Variants in CADM2 observed in about 807,000 individuals in gnomAD.
CADM2 encodes cell adhesion molecule 2, also known as immunoglobulin superfamily member 4D.
Under a neutral mutation model 49.8 loss-of-function variants are expected in CADM2, and 12 were observed. That is an observed-to-expected ratio of 0.24 (90% CI 0.15 to 0.39). The LOEUF (loss-of-function observed/expected upper bound fraction) is 0.39, where lower values mean the gene tolerates loss of function less well. CADM2 is among the 10% of genes least tolerant of loss of function. The pLI is 1.00. For missense variants in CADM2, 378 were observed against 492.3 expected, an observed-to-expected ratio of 0.77 and a Z score of 2.20; for synonymous variants, 214 against 175.4, an observed-to-expected ratio of 1.22 and a Z score of -1.74.
At chr3:85,067,943 C>A (rs1365035804) in intron 1 of CADM2, among the ~76,000 whole-genome samples, 1 of 152,134 alleles carries the variant, frequency 6.6e-6, no homozygotes, top group Non-Finnish European at 1.5e-5. Context: ...CAAATGTCCT[C>A]TTGAGAATTG....
At chr3:86,048,635 T>C (rs569641552) in intron 8 of CADM2, among the ~76,000 whole-genome samples, 1 of 152,268 alleles carries the variant, frequency 6.6e-6, no homozygotes, top group East Asian at 1.9e-4. Context: ...GCTAAGCCAA[T>C]ATGATATATA....
chr3:85,923,490 T>C (rs148264281), intron 6 of CADM2, among the ~76,000 whole-genome samples: 99 of 149,478 alleles, frequency 6.6e-4, no homozygotes, highest in African/African-American at 2.4e-3. Context: ...TTTGCCATTA[T>C]AGGCAGAAAA....
At chr3:85,442,101 G>C (rs2037228471) in intron 1 of CADM2, among the ~76,000 whole-genome samples, 1 of 151,992 alleles carries the variant, frequency 6.6e-6, no homozygotes, top group Non-Finnish European at 1.5e-5. Flanking sequence ...TTCAGATTTT[G>C]TCCACACAAT....
intron 1 of CADM2, among the ~76,000 whole-genome samples, chr3:85,374,439 A>C (rs2033465831): frequency 6.6e-6 from 1 of 152,238 alleles, no homozygotes; most frequent in East Asian, 1.9e-4. Context: ...GGATGCTCCA[A>C]ACTTTCCCTT....
At chr3:85,777,171 A>C (rs79236629) in intron 2 of CADM2, among the ~76,000 whole-genome samples, 7,740 of 151,920 alleles carry the variant, frequency 0.051, 557 homozygotes, top group African/African-American at 0.16. Flanking sequence ...TTCATAAATA[A>C]ATTTTTTATG....
chr3:85,987,564 TA>T (rs990101914), intron 8 of CADM2, among the ~76,000 whole-genome samples: 3 of 148,220 alleles, frequency 2.0e-5, no homozygotes, highest in Non-Finnish European at 4.5e-5. Flanking sequence ...AATTCATTTT[TA>T]TATAATATAC....
chr3:85,113,194 A>C (rs1426439809), intron 1 of CADM2, among the ~76,000 whole-genome samples: 3 of 152,110 alleles, frequency 2.0e-5, no homozygotes, highest in Non-Finnish European at 4.4e-5. Context: ...TACAGACATC[A>C]TGCCAATCAA....
intron 1 of CADM2, among the ~76,000 whole-genome samples, chr3:85,678,418 AGCACTGTTCATCCTGAGTGCCAACTG>A: frequency 6.6e-6 from 1 of 152,214 alleles, no homozygotes; most frequent in South Asian, 2.1e-4. Context: ...GCTTTCAACT[AGCACTGTTCATCCTGAGTGCCAACTG>A]GTCTTCATGC....
At chr3:85,852,331 A>T (rs1166307991) in intron 3 of CADM2, among the ~76,000 whole-genome samples, 1 of 152,096 alleles carries the variant, frequency 6.6e-6, no homozygotes, top group South Asian at 2.1e-4. Context: ...AGAGACTTTA[A>T]TGAGATGTGT....
intron 1 of CADM2, among the ~76,000 whole-genome samples, chr3:85,212,053 A>C (rs962277660): frequency 1.3e-5 from 2 of 151,838 alleles, no homozygotes; most frequent in African/African-American, 4.8e-5. Flanking sequence ...TCTTTTTATA[A>C]TTTTTGTCGT....
intron 3 of CADM2, among the ~76,000 whole-genome samples, chr3:85,845,813 T>C (rs2074855121): frequency 6.6e-6 from 1 of 152,182 alleles, no homozygotes; most frequent in South Asian, 2.1e-4. Context: ...AGAAACTCTA[T>C]TAATTTTAAC....
intron 1 of CADM2, among the ~76,000 whole-genome samples, chr3:85,676,949 A>G (rs1157876861): frequency 1.3e-5 from 2 of 152,148 alleles, no homozygotes; most frequent in African/African-American, 2.4e-5. Context: ...TATATTTCAT[A>G]TAGGGTGCTA....
chr3:85,947,131 C>T (rs1051207636), intron 7 of CADM2, among the ~76,000 whole-genome samples: 10 of 151,818 alleles, frequency 6.6e-5, no homozygotes, highest in South Asian at 4.1e-4. Context: ...AACAAGTGGA[C>T]GAAGGATATG....
At chr3:85,483,354 G>T (rs2039287584) in intron 1 of CADM2, among the ~76,000 whole-genome samples, 2 of 151,138 alleles carry the variant, frequency 1.3e-5, no homozygotes, top group African/African-American at 2.4e-5. Context: ...GTAAATATAA[G>T]TATCATTTCT....
chr3:85,033,764 A>T (rs1040276852), intron 1 of CADM2, among the ~76,000 whole-genome samples: 1 of 152,162 alleles, frequency 6.6e-6, no homozygotes, highest in Non-Finnish European at 1.5e-5. Flanking sequence ...GTGGGGAAAG[A>T]GAATGCAAGT....
intron 1 of CADM2, among the ~76,000 whole-genome samples, chr3:85,580,542 T>C (rs368850586): frequency 8.5e-5 from 13 of 152,196 alleles, no homozygotes; most frequent in East Asian, 7.7e-4. Flanking sequence ...CTAATTAGCA[T>C]TGCATAAATT....
At chr3:85,936,622 TAGAA>T (rs1721215423) in intron 7 of CADM2, among the ~76,000 whole-genome samples, 1 of 151,854 alleles carries the variant, frequency 6.6e-6, no homozygotes, top group East Asian at 1.9e-4. Flanking sequence ...TAAATTTTAA[TAGAA>T]GGAATTAAAT....
chr3:85,182,388 T>A (rs2040958355), intron 1 of CADM2, among the ~76,000 whole-genome samples: 1 of 152,056 alleles, frequency 6.6e-6, no homozygotes, highest in African/African-American at 2.4e-5. Flanking sequence ...TTGTACCCCA[T>A]AATATAATGA....
chr3:85,897,402 TG>T (rs1715388743), intron 5 of CADM2, among the ~76,000 whole-genome samples: 2 of 149,976 alleles, frequency 1.3e-5, no homozygotes, highest in Non-Finnish European at 3.0e-5. Flanking sequence ...CCCGAGTAGC[TG>T]GGACTACAGG....
Sources: gnomAD v4.1 joint callset for allele counts (sites outside exome capture counted in the v4.1 genomes callset) on GRCh38, gnomAD v4.1.1 for gene constraint, MANE v1.5 for transcripts, NCBI Gene and HGNC (gene_info 2026-07-23, HGNC 2026-07-21) for gene names.